Variants in DIPK1A observed in about 807,000 individuals in gnomAD.
The protein encoded by DIPK1A is divergent protein kinase domain 1A.
DIPK1A carries 27 observed loss-of-function variants against 40.8 expected under a neutral mutation model. The observed-to-expected ratio is 0.66, with a 90% CI of 0.49 to 0.91. The LOEUF is 0.91. DIPK1A is among the 40% of genes least tolerant of loss of function. The pLI is 0.00. For missense variants in DIPK1A, 412 were observed against 505.7 expected, an observed-to-expected ratio of 0.81 and a Z score of 1.78; for synonymous variants, 166 against 171.3, an observed-to-expected ratio of 0.97 and a Z score of 0.24.
chr1:92,877,125 C>T, intron 1 of DIPK1A: 3 of 985,388 alleles, frequency 3.0e-6, no homozygotes, highest in Non-Finnish European at 3.6e-6. Flanking sequence ...AAGTGTAAAG[C>T]TGCACAATAG....
intron 2 of DIPK1A, among the ~76,000 whole-genome samples, chr1:92,864,083 A>G (rs947043317): frequency 6.6e-6 from 1 of 152,146 alleles, no homozygotes; most frequent in Admixed American, 6.6e-5. Flanking sequence ...AAAACAAAAA[A>G]ACAACAAAAA....
chr1:92,894,469 C>A (rs1363199842), intron 1 of DIPK1A, among the ~76,000 whole-genome samples: 3 of 151,992 alleles, frequency 2.0e-5, no homozygotes, highest in African/African-American at 7.3e-5. Context: ...AACAAAGATA[C>A]AACATACCAG....
chr1:92,913,737 A>T (rs1387952361), intron 1 of DIPK1A, among the ~76,000 whole-genome samples: 2 of 152,202 alleles, frequency 1.3e-5, no homozygotes, highest in East Asian at 3.9e-4. Flanking sequence ...CTCTCCCTCT[A>T]GCAAAGCTTT....
intron 1 of DIPK1A, among the ~76,000 whole-genome samples, chr1:92,917,775 GAGA>G (rs1469829094): frequency 2.0e-5 from 3 of 152,200 alleles, no homozygotes; most frequent in African/African-American, 7.2e-5. Context: ...GTGGAGCAAG[GAGA>G]AGGTTTGGGT....
At chr1:92,939,053 A>C (rs1651052811) in intron 1 of DIPK1A, among the ~76,000 whole-genome samples, 2 of 152,062 alleles carry the variant, frequency 1.3e-5, no homozygotes, top group South Asian at 4.1e-4. Context: ...GGCGCCCGCC[A>C]CCACGCCTGG....
At chr1:92,833,246 G>A in intron 4 of DIPK1A, 1 of 706,118 alleles carries the variant, frequency 1.4e-6, no homozygotes, top group Non-Finnish European at 2.5e-6. Context: ...GACCCTAGTT[G>A]CTTGTGAAAC....
In DIPK1A at chr1:92,855,834, C is replaced by T. The variant is rs138697106; in HGVS notation, c.190-4879G>A. Among the ~76,000 whole-genome samples, 522 of 152,142 alleles carry T rather than the reference C, an allele frequency of 3.4e-3. 3 individuals are homozygous for T. Among genetic ancestry groups the T allele is most frequent in the African/African-American group, 0.012 (492 of 41,522 alleles). ...TGGCTCACGTCGATAATCCCCAGCA[C>T]TTTGGGAGGCTGAGGAGGGTGAATC... On this transcript the variant is annotated intron_variant, in intron 2 of 4. Transcript: ENST00000370310.
chr1:92,906,411 C>A (rs78870673), intron 1 of DIPK1A, among the ~76,000 whole-genome samples: 316 of 152,068 alleles, frequency 2.1e-3, no homozygotes, highest in African/African-American at 7.5e-3. Context: ...TAAATGAGGC[C>A]CCAAAATGGT....
At chr1:92,863,627 A>C (rs1282744117) in intron 2 of DIPK1A, among the ~76,000 whole-genome samples, 3 of 151,888 alleles carry the variant, frequency 2.0e-5, no homozygotes, top group African/African-American at 7.2e-5. Context: ...TTTCCTTAGA[A>C]TAGGGTTTAT....
chr1:92,877,108 A>T (rs889080557), intron 1 of DIPK1A: 2 of 985,336 alleles, frequency 2.0e-6, no homozygotes, highest in African/African-American at 3.5e-5. Context: ...TTGCATATCA[A>T]CTTGCAAAGT....
intron 1 of DIPK1A, among the ~76,000 whole-genome samples, chr1:92,919,213 T>G (rs1650178057): frequency 6.6e-6 from 1 of 152,262 alleles, no homozygotes; most frequent in South Asian, 2.1e-4. Context: ...CACGGCTTCA[T>G]GTTTGGATTA....
At chr1:92,847,048 A>G (rs1687664117) in intron 4 of DIPK1A, 135 bp downstream of exon 4, 2 of 565,694 alleles carry the variant, frequency 3.5e-6, no homozygotes, top group Non-Finnish European at 5.4e-6. Flanking sequence ...CCGGCCTCTT[A>G]TAATTATTTC....
chr1:92,861,939 C>T (rs1647296711), intron 2 of DIPK1A, among the ~76,000 whole-genome samples: 1 of 152,106 alleles, frequency 6.6e-6, no homozygotes, highest in South Asian at 2.1e-4. Flanking sequence ...ACTACCACAC[C>T]CGGCTAAGTT....
At chr1:92,955,750 TA>T (rs1232105162) in intron 1 of DIPK1A, among the ~76,000 whole-genome samples, 7 of 111,656 alleles carry the variant, frequency 6.3e-5, no homozygotes, top group African/African-American at 1.4e-4. Flanking sequence ...AAAATGAAAA[TA>T]GGGGAGGGGC....
chr1:92,960,160 T>C (rs1652014699), intron 1 of DIPK1A, among the ~76,000 whole-genome samples: 1 of 151,980 alleles, frequency 6.6e-6, no homozygotes. Flanking sequence ...ACAATTACTA[T>C]TGGTGGTGCT....
At chr1:92,874,099 C>A (rs965427688) in intron 2 of DIPK1A, among the ~76,000 whole-genome samples, 2 of 152,132 alleles carry the variant, frequency 1.3e-5, no homozygotes, top group African/African-American at 4.8e-5. Flanking sequence ...TCATTATCTT[C>A]AGGGTTTGAT....
chr1:92,835,535 CTG>C, intron 4 of DIPK1A, among the ~76,000 whole-genome samples: 1 of 151,094 alleles, frequency 6.6e-6, no homozygotes, highest in Non-Finnish European at 1.5e-5. Flanking sequence ...TGGTGTGTGT[CTG>C]TAGTCCCAAC....
At chr1:92,845,506 TAGAA>T in intron 4 of DIPK1A, 1 of 183,912 alleles carries the variant, frequency 5.4e-6, no homozygotes, top group Non-Finnish European at 1.0e-5. Context: ...GTGTCTATGC[TAGAA>T]AAAAAAAAAA....
At chr1:92,909,228 A>C (rs372266174) in intron 1 of DIPK1A, among the ~76,000 whole-genome samples, 32 of 152,214 alleles carry the variant, frequency 2.1e-4, no homozygotes, top group African/African-American at 6.0e-4. Flanking sequence ...GCAGAGGAGA[A>C]TACCTGAAAT....
Sources: allele counts gnomAD v4.1 joint callset (sites outside exome capture counted in the v4.1 genomes callset), GRCh38; gene constraint gnomAD v4.1.1; transcripts MANE v1.5; gene names NCBI Gene and HGNC (gene_info 2026-07-23, HGNC 2026-07-21).